CCDC32: variants seen among roughly 807,000 people sequenced by gnomAD.
The protein encoded by CCDC32 is coiled-coil domain-containing protein 32.
In CCDC32, 9 loss-of-function variants were observed where a neutral mutation model predicts 20.1. That is an observed-to-expected ratio of 0.45 (90% CI 0.27 to 0.78). The LOEUF is 0.78. Ranked by LOEUF, CCDC32 falls within the 30% of genes least tolerant of loss-of-function variation. The pLI, the probability that CCDC32 is intolerant of heterozygous loss-of-function variation, is 0.16. For synonymous variants in CCDC32, 63 were observed against 79.0 expected (o/e 0.80, Z 1.07); for missense variants, 204 against 215.5 (o/e 0.95, Z 0.33).
rs1350115738 is a variant in CCDC32, at chr15:40,539,872, A to ACACACACACACACACACAC, written c.402-518_402-517insGTGTGTGTGTGTGTGTGTG. 1.1e-4 allele frequency among the ~76,000 whole-genome samples: 16 copies of ACACACACACACACACACAC among 151,530 alleles called. 1 individual carries two copies. In the East Asian group the frequency reaches 1.4e-3, roughly 13 times the overall value. ...CACACACACACACACACACACACAC[A>ACACACACACACACACACAC]CACACACACCCCGCTCCTTGCCCTT... On this transcript the variant is annotated intron_variant, in intron 3 of 3. Coordinates refer to the CCDC32 transcript ENST00000558113.
Position 40,562,873 on chromosome 15 carries a change from G to A in CCDC32, c.143C>T (p.Pro48Leu). 1 of 1,614,200 alleles carries A rather than the reference G, an allele frequency of 6.2e-7. No homozygotes were observed. Among genetic ancestry groups the A allele is most frequent in the Non-Finnish European group, 8.5e-7 (1 of 1,180,038 alleles). ...CACCTCCCTCTGGCCTTCACCTTCAGGGCAAGAATCCACAAAGGAGTCTGA... is the reference window on the plus strand; with the variant it reads ...CACCTCCCTCTGGCCTTCACCTTCAAGGCAAGAATCCACAAAGGAGTCTGA... ...AFSDSFVDSC[P>L]EGEGQREVAD... The change falls in exon 2 of 4, where the codon CCT (proline) becomes CTT (leucine). Residue 48 changes from proline (P) to leucine (L), a missense_variant. Physicochemically the swap from Pro to Leu is moderately conservative, Grantham distance 98. Transcript: ENST00000416810.
At chr15:40,528,059 C>T (rs1303320723), downstream of CCDC32, among the ~76,000 whole-genome samples, 1 of 152,172 alleles carries the variant, frequency 6.6e-6, no homozygotes, top group African/African-American at 2.4e-5. Flanking sequence ...ATCTTTTCAA[C>T]AGAAATCAGC....
chr15:40,563,455 G>A (rs1890792998), intron 1 of CCDC32, among the ~76,000 whole-genome samples: 1 of 152,154 alleles, frequency 6.6e-6, no homozygotes, highest in African/African-American at 2.4e-5. Context: ...TAAGGTACCT[G>A]AGTAGTCAAA....
chr15:40,550,117 G>A (rs1889788934), downstream of CCDC32, among the ~76,000 whole-genome samples: 1 of 152,232 alleles, frequency 6.6e-6, no homozygotes, highest in Admixed American at 6.5e-5. Context: ...TGCCGGGAGA[G>A]AACAGCAGCA....
chr15:40,539,005 G>A, downstream of CCDC32: 1 of 534,620 alleles, frequency 1.9e-6, no homozygotes, highest in Non-Finnish European at 3.4e-6. Context: ...TCTTCCCATG[G>A]GTTCTCTAGC....
chr15:40,561,840 C>T (rs1890655771), intron 2 of CCDC32: 1 of 151,558 alleles, frequency 6.6e-6, no homozygotes, highest in Non-Finnish European at 1.5e-5. Flanking sequence ...AAGGATATTA[C>T]AATTCTAAAG....
At chr15:40,536,832 CAG>C (rs1889133383), downstream of CCDC32, 1 of 152,300 alleles carries the variant, frequency 6.6e-6, no homozygotes, top group African/African-American at 2.4e-5. Context: ...GAGGTCAAAA[CAG>C]AGTCATGACT....
rs1033906139 is a variant in CCDC32, at chr15:40,553,133, C to G, written c.*838G>C. ...GAAAAGTTTTATATGGAAACACATA[C>G]TGATCATGAACACAATAAACAGGGA... On this transcript the variant is annotated 3_prime_UTR_variant, in exon 4 of 4. Coordinates refer to ENST00000416810, the MANE Select transcript of CCDC32 (RefSeq NM_001080792.4). 2.6e-5 allele frequency: 26 copies of G among 985,316 alleles called. No individual in the cohort carries two copies. Among genetic ancestry groups the G allele is most frequent in the African/African-American group, 5.2e-5 (3 of 57,230 alleles). The allele number at this position is 985,316 out of a possible 1,614,324, so 61.0% of individuals were successfully genotyped here. A position where few individuals can be genotyped will look rare whatever the true frequency, so the allele number is the denominator to read the frequency against.
chr15:40,540,477 CCTT>C (rs1188671009), intron 3 of CCDC32, among the ~76,000 whole-genome samples: 1 of 151,024 alleles, frequency 6.6e-6, no homozygotes, highest in East Asian at 2.0e-4. Context: ...AAGCTATTCT[CCTT>C]CTTCAGCCTC....
At chr15:40,551,255 G>A (rs943034774), downstream of CCDC32, among the ~76,000 whole-genome samples, 7 of 152,014 alleles carry the variant, frequency 4.6e-5, no homozygotes, top group South Asian at 4.2e-4. Flanking sequence ...GGTGGTGGGC[G>A]CCTGTAGTCC....
downstream of CCDC32, among the ~76,000 whole-genome samples, chr15:40,524,163 T>TC (rs1894867983): frequency 7.0e-6 from 1 of 142,768 alleles, no homozygotes; most frequent in Admixed American, 7.0e-5. Flanking sequence ...TTTTTTTTTT[T>TC]TTTTTTTTTT....
At chr15:40,537,438 G>A (rs982011238), downstream of CCDC32, 1 of 152,282 alleles carries the variant, frequency 6.6e-6, no homozygotes, top group South Asian at 2.1e-4. Context: ...CCAGCCTCGT[G>A]TGGGACCATC....
chr15:40,547,481 G>A (rs1889669634), intron 3 of CCDC32, among the ~76,000 whole-genome samples: 1 of 152,036 alleles, frequency 6.6e-6, no homozygotes, highest in Non-Finnish European at 1.5e-5. Context: ...GGTTCATCTG[G>A]GATTAGCCAA....
downstream of CCDC32, chr15:40,532,328 A>G (rs1325834793): frequency 1.4e-6 from 1 of 702,610 alleles, no homozygotes; most frequent in Admixed American, 2.0e-5. Flanking sequence ...ACGTAGATTT[A>G]TGACAAACAT....
intron 3 of CCDC32, among the ~76,000 whole-genome samples, chr15:40,547,980 G>A (rs1050646970): frequency 6.6e-6 from 1 of 152,182 alleles, no homozygotes; most frequent in African/African-American, 2.4e-5. Flanking sequence ...TTACAAATTT[G>A]TTAACATTTT....
downstream of CCDC32, among the ~76,000 whole-genome samples, chr15:40,550,051 G>T (rs777658221): frequency 9.9e-5 from 15 of 152,146 alleles, no homozygotes; most frequent in Non-Finnish European, 1.9e-4. Context: ...TTGGATGCAT[G>T]CCTGTGTCAC....
At chr15:40,536,438 T>A (rs1889112645), downstream of CCDC32, 1 of 152,304 alleles carries the variant, frequency 6.6e-6, no homozygotes. Flanking sequence ...AGGAGATGGC[T>A]GCCCAGGGCT....
downstream of CCDC32, among the ~76,000 whole-genome samples, chr15:40,533,383 T>C (rs1423019975): frequency 6.6e-6 from 1 of 152,052 alleles, no homozygotes; most frequent in Non-Finnish European, 1.5e-5. Context: ...GGAGTTTCCC[T>C]CTGTTGCCCA....
chr15:40,558,201 G>A (rs1461746898), intron 2 of CCDC32, among the ~76,000 whole-genome samples: 3 of 152,128 alleles, frequency 2.0e-5, no homozygotes, highest in Non-Finnish European at 4.4e-5. Flanking sequence ...TGGCATGGTG[G>A]GGTGGTGAAC....
Sources: allele counts gnomAD v4.1 joint callset (sites outside exome capture counted in the v4.1 genomes callset), GRCh38; gene constraint gnomAD v4.1.1; transcripts MANE v1.5; gene names NCBI Gene and HGNC (gene_info 2026-07-23, HGNC 2026-07-21).